ATAD1: variants seen among roughly 807,000 people sequenced by gnomAD.
The protein encoded by ATAD1 is outer mitochondrial transmembrane helix translocase.
In ATAD1, 18 loss-of-function variants were observed where a neutral mutation model predicts 42.7. The ratio of observed to expected loss-of-function variants is 0.42; its 90% CI spans 0.29 to 0.63. The LOEUF is 0.63. Ranked by LOEUF, ATAD1 falls within the 20% of genes least tolerant of loss-of-function variation. The pLI, the probability that ATAD1 is intolerant of heterozygous loss-of-function variation, is 0.19. For missense variants in ATAD1, 294 were observed against 440.4 expected, an observed-to-expected ratio of 0.67 and a Z score of 2.98; for synonymous variants, 132 against 143.1, an observed-to-expected ratio of 0.92 and a Z score of 0.55.
intron 9 of ATAD1, 109 bp from the exon 10 acceptor site, chr10:87,754,916 T>G: frequency 1.5e-6 from 2 of 1,334,936 alleles, no homozygotes; most frequent in South Asian, 3.1e-5. Context: ...AAAAATTTTG[T>G]TTTCAACTGT....
At chr10:87,811,123 A>G (rs548714102) in intron 2 of ATAD1, among the ~76,000 whole-genome samples, 30 of 152,252 alleles carry the variant, frequency 2.0e-4, no homozygotes, top group African/African-American at 6.7e-4. Flanking sequence ...ACTTGAGGTC[A>G]GGAGTTCAAG....
intron 2 of ATAD1, among the ~76,000 whole-genome samples, chr10:87,806,942 A>G (rs1856951923): frequency 6.6e-6 from 1 of 152,122 alleles, no homozygotes; most frequent in Non-Finnish European, 1.5e-5. Context: ...TTAGTTTCCC[A>G]CAGTTTGCTG....
chr10:87,759,803 AAT>A, intron 8 of ATAD1: 1 of 455,624 alleles, frequency 2.2e-6, no homozygotes, highest in South Asian at 1.6e-5. Flanking sequence ...AAATAGGACT[AAT>A]ATGTACTCCT....
At chr10:87,815,519 G>T (rs957827955) in intron 1 of ATAD1, among the ~76,000 whole-genome samples, 1 of 151,854 alleles carries the variant, frequency 6.6e-6, no homozygotes, top group African/African-American at 2.4e-5. Context: ...ATAAGAAAAA[G>T]AGAATATATA....
intron 2 of ATAD1, among the ~76,000 whole-genome samples, chr10:87,802,605 CGCACTCCA>C (rs1322031390): frequency 2.7e-5 from 4 of 150,352 alleles, no homozygotes; most frequent in South Asian, 2.1e-4. Context: ...ATCCCGCCAC[CGCACTCCA>C]GCCTGGGTGA....
chr10:87,822,269 T>C (rs1388125858), upstream of ATAD1, among the ~76,000 whole-genome samples: 5 of 152,256 alleles, frequency 3.3e-5, no homozygotes, highest in Non-Finnish European at 5.9e-5. Context: ...ATTTCAATCA[T>C]TATTTTTTAA....
Position 87,784,458 on chromosome 10 carries a change from A to G in ATAD1, c.583+12T>C, listed in dbSNP as rs1475627984. On this transcript the variant is annotated intron_variant, in intron 5 of 9. Transcript: ENST00000680024. ...GGCCTTTAAAAATACTCATATAGAA[A>G]ACATAGCATACCTATTTCATCTATA... 5 of 1,610,938 alleles carry G rather than the reference A, an allele frequency of 3.1e-6. No individual in the cohort carries two copies. The highest frequency in any genetic ancestry group is 1.1e-5 in the South Asian group (1 of 90,632).
upstream of ATAD1, among the ~76,000 whole-genome samples, chr10:87,821,365 T>TA (rs1172495171): frequency 2.5e-3 from 375 of 151,102 alleles, no homozygotes; most frequent in African/African-American, 7.8e-3. Flanking sequence ...TTGTTTCTAC[T>TA]AAAAAAAAAT....
rs147607934 is a variant in ATAD1 at position 87,834,525 on chromosome 10, G to C, written c.-14+6662C>G. Reference sequence around the variant, plus strand: ...GTGAGTTTTGATGGTTTGGTTTTGAGGAATTAGTCTATTTCACATAGGTTG... The same window carrying C: ...GTGAGTTTTGATGGTTTGGTTTTGACGAATTAGTCTATTTCACATAGGTTG... On this transcript the variant is annotated intron_variant, in intron 1 of 4. Transcript: ENST00000495903. Among the ~76,000 whole-genome samples, 453 of 152,218 alleles carry C rather than the reference G, an allele frequency of 3.0e-3. 3 individuals are homozygous for C. The highest frequency in any genetic ancestry group is 0.01 in the African/African-American group (436 of 41,540).
At chr10:87,799,242 G>T (rs1264485451) in intron 2 of ATAD1, among the ~76,000 whole-genome samples, 2 of 152,030 alleles carry the variant, frequency 1.3e-5, no homozygotes, top group African/African-American at 4.8e-5. Context: ...TACTATTAAG[G>T]TGTCAAAATT....
chr10:87,831,337 T>C (rs371460898), intron 1 of ATAD1, among the ~76,000 whole-genome samples: 2 of 152,366 alleles, frequency 1.3e-5, no homozygotes, highest in East Asian at 1.9e-4. Flanking sequence ...TTCCCTTTAC[T>C]GAGCCTAAAT....
intron 2 of ATAD1, among the ~76,000 whole-genome samples, chr10:87,797,793 T>C (rs1453474833): frequency 1.3e-5 from 2 of 152,168 alleles, no homozygotes; most frequent in African/African-American, 4.8e-5. Context: ...TGATTCTACT[T>C]CAGAGATGCA....
At position 87,801,167 on chromosome 10, in the gene ATAD1, C is replaced by T. The variant is rs182287395; in HGVS notation, c.163-8412G>A. On this transcript the variant is annotated intron_variant, in intron 2 of 9. Transcript: ENST00000680024. Reference sequence around the variant, plus strand: ...TCATGCTGTTTTTATTAGGCCTTATCGTTTGGAGAATTAAGTCTCCTCTCT... The same window carrying T: ...TCATGCTGTTTTTATTAGGCCTTATTGTTTGGAGAATTAAGTCTCCTCTCT... Among the ~76,000 whole-genome samples, 10 of 152,276 alleles carry T rather than the reference C, an allele frequency of 6.6e-5. No individual in the cohort carries two copies. In the East Asian group the frequency reaches 1.5e-3, roughly 23 times the overall value.
chr10:87,764,066 AG>A (rs1854619538), intron 8 of ATAD1, among the ~76,000 whole-genome samples: 1 of 152,164 alleles, frequency 6.6e-6, no homozygotes. Flanking sequence ...TATTAATCCT[AG>A]TGCATAAAGA....
intron 2 of ATAD1, among the ~76,000 whole-genome samples, chr10:87,798,300 A>C (rs1026926150): frequency 3.3e-5 from 5 of 152,206 alleles, no homozygotes; most frequent in African/African-American, 1.2e-4. Context: ...GAAACGTTCT[A>C]AGAATGAGGA....
intron 2 of ATAD1, among the ~76,000 whole-genome samples, chr10:87,796,494 C>T (rs1385989403): frequency 4.6e-5 from 7 of 152,168 alleles, no homozygotes; most frequent in East Asian, 3.8e-4. Flanking sequence ...TTTCCAGTTC[C>T]GGACAGAACC....
chr10:87,832,395 GA>G (rs11339550), intron 1 of ATAD1: 22,069 of 142,804 alleles, frequency 0.15, 1,651 homozygotes, highest in South Asian at 0.28. Flanking sequence ...TCCTATCTCA[GA>G]AAAAAAAAAA....
intron 1 of ATAD1, among the ~76,000 whole-genome samples, chr10:87,826,493 A>G (rs1289925558): frequency 6.6e-6 from 1 of 152,210 alleles, no homozygotes; most frequent in African/African-American, 2.4e-5. Flanking sequence ...TAACTCCCCA[A>G]TCATGTTTTC....
chr10:87,797,113 A>C (rs537542356), intron 2 of ATAD1, among the ~76,000 whole-genome samples: 1 of 152,300 alleles, frequency 6.6e-6, no homozygotes, highest in African/African-American at 2.4e-5. Context: ...GTCTTGGCTA[A>C]AGTTTAACAA....
Sources: allele counts gnomAD v4.1 joint callset (sites outside exome capture counted in the v4.1 genomes callset), GRCh38; gene constraint gnomAD v4.1.1; transcripts MANE v1.5; gene names NCBI Gene and HGNC (gene_info 2026-07-23, HGNC 2026-07-21).